NBAS: variants seen among roughly 807,000 people sequenced by gnomAD.
The protein encoded by NBAS is NBAS subunit of NRZ tethering complex, also known as NAG/BC035112 fusion.
NBAS carries 219 observed loss-of-function variants against 302.5 expected under a neutral mutation model. That is an observed-to-expected ratio of 0.72 (90% CI 0.65 to 0.81). NBAS has a LOEUF of 0.81. Ranked by LOEUF, NBAS falls within the 30% of genes least tolerant of loss-of-function variation. The pLI, the probability that NBAS is intolerant of heterozygous loss-of-function variation, is 0.00. For missense variants in NBAS, 2,932 were observed against 2,841.6 expected (o/e 1.03, Z -0.72); for synonymous variants, 1,118 against 1,021.6 (o/e 1.09, Z -1.80).
At chr2:14,910,684 G>T in the NBAS span, among the ~76,000 whole-genome samples, 2 of 152,202 alleles carry the variant, frequency 1.3e-5, no homozygotes, top group African/African-American at 4.8e-5. Context: ...TGATTTGGGT[G>T]TCAAAATGAA....
intron 38 of NBAS, among the ~76,000 whole-genome samples, chr2:15,309,625 A>G (rs1181385195): frequency 6.6e-6 from 1 of 152,174 alleles, no homozygotes; most frequent in African/African-American, 2.4e-5. Context: ...TATGAGTACT[A>G]AAGATCAGAG....
the NBAS span, among the ~76,000 whole-genome samples, chr2:14,957,122 A>G: frequency 6.6e-6 from 1 of 152,130 alleles, no homozygotes; most frequent in African/African-American, 2.4e-5. Flanking sequence ...GGCCTGGAAC[A>G]TATTCTCCAT....
intron 35 of NBAS, among the ~76,000 whole-genome samples, chr2:15,334,441 G>C (rs971597651): frequency 6.6e-6 from 1 of 152,008 alleles, no homozygotes; most frequent in Non-Finnish European, 1.5e-5. Flanking sequence ...GCCCGCCTCG[G>C]CCTCCCAAAG....
chr2:14,888,455 CT>C, the NBAS span, among the ~76,000 whole-genome samples: 8,329 of 144,878 alleles, frequency 0.057, 325 homozygotes, highest in Middle Eastern at 0.091. Context: ...CCGGCCCCCC[CT>C]TTTTTTTTTA....
chr2:14,842,702 T>C, the NBAS span, among the ~76,000 whole-genome samples: 1 of 152,140 alleles, frequency 6.6e-6, no homozygotes, highest in East Asian at 1.9e-4. Context: ...GTCTAAGATC[T>C]GTTGAGTTCA....
chr2:15,158,842 T>C, the NBAS span, among the ~76,000 whole-genome samples: 3 of 152,036 alleles, frequency 2.0e-5, no homozygotes, highest in East Asian at 5.8e-4. Context: ...ATGGGGGCGG[T>C]TGGTCAGAGA....
intron 48 of NBAS, among the ~76,000 whole-genome samples, chr2:15,198,849 G>A (rs1019130422): frequency 5.3e-5 from 8 of 152,066 alleles, no homozygotes; most frequent in Non-Finnish European, 8.8e-5. Context: ...AAAATTGGCC[G>A]GGCGCGGTGG....
chr2:15,309,334 T>C (rs915902445), intron 38 of NBAS, 87 bp from the exon 39 acceptor site: 2 of 1,129,932 alleles, frequency 1.8e-6, no homozygotes, highest in African/African-American at 1.6e-5. Flanking sequence ...CCCCATAAGA[T>C]TTCAACAAAT....
At chr2:15,273,560 C>A (rs1411537344) in intron 44 of NBAS, among the ~76,000 whole-genome samples, 4 of 152,190 alleles carry the variant, frequency 2.6e-5, no homozygotes, top group Non-Finnish European at 5.9e-5. Context: ...ACCAACTTAA[C>A]TTTGCTAAGC....
At chr2:15,158,798 C>T in the NBAS span, among the ~76,000 whole-genome samples, 4 of 152,172 alleles carry the variant, frequency 2.6e-5, no homozygotes, top group Non-Finnish European at 5.9e-5. Context: ...GAATGCCCTT[C>T]TGGAGGGGGA....
the NBAS span, among the ~76,000 whole-genome samples, chr2:14,779,977 T>G: frequency 5.3e-5 from 8 of 152,204 alleles, no homozygotes; most frequent in Admixed American, 2.0e-4. Flanking sequence ...TCACTGGCTG[T>G]CACTAATGAC....
At chr2:15,046,502 C>A in the NBAS span, among the ~76,000 whole-genome samples, 2 of 152,104 alleles carry the variant, frequency 1.3e-5, no homozygotes, top group Admixed American at 6.5e-5. Flanking sequence ...GTTCCTGAAG[C>A]AATTATAATG....
the NBAS span, among the ~76,000 whole-genome samples, chr2:15,119,336 T>A: frequency 7.4e-5 from 10 of 134,304 alleles, no homozygotes; most frequent in East Asian, 2.2e-3. Flanking sequence ...TGAGACAGAG[T>A]CTTGCACTGT....
At chr2:15,063,741 C>T in the NBAS span, among the ~76,000 whole-genome samples, 1 of 152,154 alleles carries the variant, frequency 6.6e-6, no homozygotes, top group Non-Finnish European at 1.5e-5. Flanking sequence ...GTGAGGACTT[C>T]TTACAAAACA....
At chr2:15,117,839 C>T in the NBAS span, among the ~76,000 whole-genome samples, 3 of 152,274 alleles carry the variant, frequency 2.0e-5, no homozygotes, top group African/African-American at 7.2e-5. Context: ...CTCAGCCGGT[C>T]CCACATTTTC....
chr2:14,883,962 A>T, the NBAS span, among the ~76,000 whole-genome samples: 1 of 144,428 alleles, frequency 6.9e-6, no homozygotes, highest in Non-Finnish European at 1.5e-5. Context: ...ACATAGTAAG[A>T]CCTTCTCTCA....
At chr2:14,865,282 A>C in the NBAS span, among the ~76,000 whole-genome samples, 2 of 149,124 alleles carry the variant, frequency 1.3e-5, no homozygotes, top group Non-Finnish European at 3.0e-5. Flanking sequence ...TCAATACTCC[A>C]TTAGCCTGTT....
At chr2:14,789,540 G>A in the NBAS span, among the ~76,000 whole-genome samples, 1 of 152,166 alleles carries the variant, frequency 6.6e-6, no homozygotes, top group Non-Finnish European at 1.5e-5. Flanking sequence ...TATATTGATA[G>A]AAATGTTTTA....
intron 8 of NBAS, 25 bp from the exon 9 acceptor site, chr2:15,534,666 A>C: frequency 6.7e-7 from 1 of 1,499,992 alleles, no homozygotes; most frequent in East Asian, 2.3e-5. Flanking sequence ...GTATGAAAGA[A>C]GTAAATACCA....
Sources: gnomAD v4.1 joint callset for allele counts (sites outside exome capture counted in the v4.1 genomes callset) on GRCh38, gnomAD v4.1.1 for gene constraint, MANE v1.5 for transcripts, NCBI Gene and HGNC (gene_info 2026-07-23, HGNC 2026-07-21) for gene names.